Variants in PCMTD1 observed in about 807,000 individuals in gnomAD.
PCMTD1 encodes protein-L-isoaspartate (D-aspartate) O-methyltransferase domain containing 1.
A neutral mutation model predicts 37.6 loss-of-function variants in PCMTD1; 12 were observed. The ratio of observed to expected loss-of-function variants is 0.32; its 90% CI spans 0.20 to 0.52. The LOEUF is 0.52. Ranked by LOEUF, PCMTD1 falls within the 20% of genes least tolerant of loss-of-function variation. The pLI, the probability that PCMTD1 is intolerant of heterozygous loss-of-function variation, is 0.97. For missense variants in PCMTD1, 235 were observed against 421.3 expected (o/e 0.56, Z 3.87); for synonymous variants, 117 against 135.8 (o/e 0.86, Z 0.96).
intron 1 of PCMTD1, among the ~76,000 whole-genome samples, chr8:51,879,594 CAATT>C (rs1319219146): frequency 6.6e-6 from 1 of 152,096 alleles, no homozygotes; most frequent in Non-Finnish European, 1.5e-5. Flanking sequence ...AGGTTCTCCT[CAATT>C]AAAGCTCAGT....
intron 1 of PCMTD1, among the ~76,000 whole-genome samples, chr8:51,869,141 G>A (rs1026241082): frequency 6.6e-6 from 1 of 152,104 alleles, no homozygotes; most frequent in Non-Finnish European, 1.5e-5. Flanking sequence ...CACTTGAGAA[G>A]CTCGTAAATC....
intron 3 of PCMTD1, among the ~76,000 whole-genome samples, chr8:51,834,182 A>T (rs1241077445): frequency 6.6e-6 from 1 of 152,208 alleles, no homozygotes; most frequent in South Asian, 2.1e-4. Context: ...AAAAGATACG[A>T]GTGTCCTGAC....
At chr8:51,824,697 T>C (rs1016494285) in intron 5 of PCMTD1, among the ~76,000 whole-genome samples, 3 of 152,192 alleles carry the variant, frequency 2.0e-5, no homozygotes, top group African/African-American at 7.2e-5. Flanking sequence ...AAAAAACTAC[T>C]TTAAACTTCA....
intron 5 of PCMTD1, chr8:51,827,240 T>C: frequency 8.7e-7 from 1 of 1,146,252 alleles, no homozygotes; most frequent in South Asian, 1.7e-5. Context: ...CTGACTTATT[T>C]TTATAAGTTA....
intron 3 of PCMTD1, chr8:51,845,303 G>A (rs1165790076): frequency 1.1e-5 from 2 of 187,298 alleles, no homozygotes; most frequent in African/African-American, 2.4e-5. Context: ...CTCATGTCCT[G>A]AAGAGGACAG....
intron 1 of PCMTD1, among the ~76,000 whole-genome samples, chr8:51,865,824 C>T (rs563389468): frequency 8.1e-5 from 12 of 148,686 alleles, no homozygotes; most frequent in Non-Finnish European, 1.8e-4. Context: ...AACAATTAAA[C>T]AAGAAAAAAA....
Position 51,836,303 on chromosome 8 carries a change from A to C in PCMTD1, c.411-2614T>G, listed in dbSNP as rs185093699. Among the ~76,000 whole-genome samples, 101 of 152,328 alleles carry C rather than the reference A, an allele frequency of 6.6e-4. No individual in the cohort carries two copies. The East Asian group carries it at 0.018, about 27-fold the overall frequency. On this transcript the variant is annotated intron_variant, in intron 3 of 5. Coordinates refer to ENST00000522514, the MANE Select transcript of PCMTD1 (RefSeq NM_052937.4). ...CAAGTTTAGATCATCTGTAATGCGC[A>C]TGGGTTTTCAGAGACTTTTTAGAAC...
At chr8:51,821,593 T>C (rs1346529812) in intron 5 of PCMTD1, among the ~76,000 whole-genome samples, 2 of 152,206 alleles carry the variant, frequency 1.3e-5, no homozygotes, top group East Asian at 3.8e-4. Context: ...TGATTTAGAC[T>C]ACCAAGTCTG....
intron 2 of PCMTD1, chr8:51,850,096 T>C: frequency 1.4e-6 from 1 of 702,220 alleles, no homozygotes; most frequent in South Asian, 1.5e-5. Flanking sequence ...ACTGGTGTGG[T>C]GAGAAAGATA....
In PCMTD1 at chr8:51,898,967, G is replaced by A. The variant is rs1285864097; in HGVS notation, c.-133C>T. On this transcript the variant is annotated 5_prime_UTR_variant, in exon 1 of 6. Transcript: ENST00000522514. Reference sequence around the variant, plus strand: ...CAGCGGCGCGCAGGCCAGGCGCTAGGACTCGGCGGGGTCCGCAGCAGCCAG... The same window carrying A: ...CAGCGGCGCGCAGGCCAGGCGCTAGAACTCGGCGGGGTCCGCAGCAGCCAG... 2.7e-6 allele frequency: 4 copies of A among 1,488,992 alleles called. No homozygotes were observed. The highest frequency in any genetic ancestry group is 2.6e-5 in the South Asian group (2 of 78,376). The allele number at this position is 1,488,992 out of a possible 1,614,324, so 92.2% of individuals were successfully genotyped here. A position where few individuals can be genotyped will look rare whatever the true frequency, so the allele number is the denominator to read the frequency against.
chr8:51,898,916 G>C lies in PCMTD1; in HGVS notation c.-96+14C>G, dbSNP rs912863521. ...CACCCCACGACCCCGAGCCCCCACTGGCGGCGGCGTTACCTGTGGCGCGGG... is the reference window on the plus strand; with the variant it reads ...CACCCCACGACCCCGAGCCCCCACTCGCGGCGGCGTTACCTGTGGCGCGGG... On this transcript the variant is annotated intron_variant, in intron 1 of 5. Coordinates refer to ENST00000522514, the MANE Select transcript of PCMTD1 (RefSeq NM_052937.4). The C allele has an allele frequency of 1.9e-5, 25 of 1,325,758 alleles. No homozygotes were observed. In the African/African-American group the frequency reaches 3.8e-4, roughly 20 times the overall value. 82.1% of individuals were successfully genotyped at this position (1,325,758 alleles called of 1,614,324 possible). A position where few individuals can be genotyped will look rare whatever the true frequency, so the allele number is the denominator to read the frequency against.
At chr8:51,892,176 CACA>C (rs1437177969) in intron 1 of PCMTD1, among the ~76,000 whole-genome samples, 1 of 152,092 alleles carries the variant, frequency 6.6e-6, no homozygotes, top group Non-Finnish European at 1.5e-5. Flanking sequence ...TATTGTAAGC[CACA>C]ACATTTCCTT....
chr8:51,879,439 G>A (rs565207545), intron 1 of PCMTD1, among the ~76,000 whole-genome samples: 15 of 152,238 alleles, frequency 9.9e-5, no homozygotes, highest in South Asian at 2.1e-4. Flanking sequence ...CAGTATATTC[G>A]TGTTCATGAT....
intron 2 of PCMTD1, among the ~76,000 whole-genome samples, chr8:51,854,524 C>G (rs2038354816): frequency 6.6e-6 from 1 of 152,094 alleles, no homozygotes; most frequent in African/African-American, 2.4e-5. Flanking sequence ...TGTGATTAGC[C>G]TAAAATAAAA....
At chr8:51,897,752 A>G (rs1360318075) in intron 1 of PCMTD1, among the ~76,000 whole-genome samples, 2 of 152,204 alleles carry the variant, frequency 1.3e-5, no homozygotes, top group African/African-American at 4.8e-5. Context: ...CATGTTTAAC[A>G]ATGAAGAAAA....
intron 1 of PCMTD1, among the ~76,000 whole-genome samples, chr8:51,897,510 G>A (rs2039022046): frequency 6.6e-6 from 1 of 151,548 alleles, no homozygotes; most frequent in Admixed American, 6.6e-5. Flanking sequence ...AATTTACTTA[G>A]AAAAAAATGA....
chr8:51,864,119 C>T (rs2038515685), intron 1 of PCMTD1, among the ~76,000 whole-genome samples: 1 of 151,980 alleles, frequency 6.6e-6, no homozygotes, highest in Non-Finnish European at 1.5e-5. Flanking sequence ...ACTATACTTC[C>T]ATCAGACAAA....
At chr8:51,852,557 C>T (rs549066369) in intron 2 of PCMTD1, among the ~76,000 whole-genome samples, 16 of 152,218 alleles carry the variant, frequency 1.1e-4, no homozygotes, top group African/African-American at 3.6e-4. Context: ...GACTCCAAGC[C>T]AACTATCATC....
intron 2 of PCMTD1, chr8:51,849,889 T>C (rs929600082): frequency 5.0e-6 from 3 of 601,738 alleles, no homozygotes; most frequent in Admixed American, 6.1e-5. Context: ...TGCTGATGAG[T>C]AGAAGACTGA....
Sources: gnomAD v4.1 joint callset for allele counts (sites outside exome capture counted in the v4.1 genomes callset) on GRCh38, gnomAD v4.1.1 for gene constraint, MANE v1.5 for transcripts, NCBI Gene and HGNC (gene_info 2026-07-23, HGNC 2026-07-21) for gene names.